The following ADGRB3 variants were observed in gnomAD, a reference collection of about 807,000 sequenced individuals.
ADGRB3 encodes the protein adhesion G protein-coupled receptor B3.
In ADGRB3, 37 loss-of-function variants were observed where a neutral mutation model predicts 193.4. The ratio of observed to expected loss-of-function variants is 0.19; its 90% confidence interval spans 0.15 to 0.25. ADGRB3 has a LOEUF of 0.25. Ranked by LOEUF, ADGRB3 falls within the 10% of genes least tolerant of loss-of-function variation. ADGRB3 has a pLI of 1.00. For missense variants in ADGRB3, 1,637 were observed against 1,852.9 expected (o/e 0.88, Z 2.14); for synonymous variants, 690 against 644.2 (o/e 1.07, Z -1.08).
chr6:69,193,725 T>TA (rs892659950), intron 17 of ADGRB3, among the ~76,000 whole-genome samples: 7 of 151,948 alleles, frequency 4.6e-5, no homozygotes, highest in Non-Finnish European at 1.0e-4. Flanking sequence ...TTTTTTTTTT[T>TA]ACCTAGAATG....
Position 68,729,766 on chromosome 6 carries a change from T to A in ADGRB3, c.757+90334T>A, listed in dbSNP as rs77718645. Among the ~76,000 whole-genome samples the A allele has an allele frequency of 1.5e-3, 224 of 151,712 alleles. 4 individuals are homozygous for A. In the East Asian group the frequency reaches 0.04, roughly 27 times the overall value. On this transcript the variant is annotated intron_variant, in intron 3 of 31. Coordinates refer to ENST00000370598, the MANE Select transcript of ADGRB3 (RefSeq NM_001704.3). ...CAGTGCTGTGCTGAGGGAAGCATAG[T>A]CAGATAATGGCTTTCTCTATGCTTT...
rs565487569 is a variant in ADGRB3, at chr6:69,126,237, A to G, written c.2480+50199A>G. Among the ~76,000 whole-genome samples the G allele has an allele frequency of 3.7e-4, 54 of 145,016 alleles. No homozygotes were observed. In the South Asian group the frequency reaches 0.011, roughly 29 times the overall value. ...TAGATAGATAAATAGATACACACAT[A>G]CATACATACATACATACATACATAC... On this transcript the variant is annotated intron_variant, in intron 17 of 31. Coordinates refer to ENST00000370598, the MANE Select transcript of ADGRB3 (RefSeq NM_001704.3).
At chr6:68,921,978 A>C (rs1358272632) in intron 3 of ADGRB3, among the ~76,000 whole-genome samples, 1 of 152,284 alleles carries the variant, frequency 6.6e-6, no homozygotes, top group Admixed American at 6.5e-5. Flanking sequence ...TGAGATACGC[A>C]CTTGGTTTTA....
intron 13 of ADGRB3, among the ~76,000 whole-genome samples, chr6:69,046,192 A>G (rs1446292153): frequency 1.3e-5 from 2 of 152,176 alleles, no homozygotes; most frequent in Non-Finnish European, 2.9e-5. Context: ...TGTATCTTTT[A>G]TTCTCTTTTA....
chr6:69,032,882 A>G (rs1326252799), intron 13 of ADGRB3, among the ~76,000 whole-genome samples: 2 of 152,092 alleles, frequency 1.3e-5, no homozygotes, highest in Non-Finnish European at 2.9e-5. Flanking sequence ...TCTCTCCTGT[A>G]TAGTTGTCAA....
chr6:69,341,699 C>A (rs570742635), intron 26 of ADGRB3, among the ~76,000 whole-genome samples: 10 of 152,182 alleles, frequency 6.6e-5, no homozygotes, highest in African/African-American at 2.4e-4. Flanking sequence ...TGTTCTCCAA[C>A]TATAACTATC....
At chr6:69,377,152 G>A (rs772698631) in intron 30 of ADGRB3, among the ~76,000 whole-genome samples, 1 of 152,020 alleles carries the variant, frequency 6.6e-6, no homozygotes, top group Non-Finnish European at 1.5e-5. Flanking sequence ...CTTAATATGA[G>A]TTTTGACATT....
intron 10 of ADGRB3, among the ~76,000 whole-genome samples, chr6:68,985,771 T>C (rs1363315299): frequency 6.6e-6 from 1 of 152,148 alleles, no homozygotes; most frequent in African/African-American, 2.4e-5. Flanking sequence ...GCATAATCTA[T>C]CCTATTCTGA....
chr6:68,706,223 A>G lies in ADGRB3; in HGVS notation c.757+66791A>G, dbSNP rs567161767. On this transcript the variant is annotated intron_variant, in intron 3 of 31. Coordinates refer to ENST00000370598, the MANE Select transcript of ADGRB3 (RefSeq NM_001704.3). Reference sequence around the variant, plus strand: ...CACCCCCAAAGGAGCAAAGAGAAGAAGGAACATTATAGGGTCTGGGACTTA... The same window carrying G: ...CACCCCCAAAGGAGCAAAGAGAAGAGGGAACATTATAGGGTCTGGGACTTA... Among the ~76,000 whole-genome samples the G allele has an allele frequency of 5.9e-5, 9 of 152,290 alleles. No individual in the cohort carries two copies. The South Asian group carries it at 1.9e-3, about 32-fold the overall frequency.
intron 17 of ADGRB3, among the ~76,000 whole-genome samples, chr6:69,224,296 G>C (rs528802674): frequency 1.3e-5 from 2 of 152,120 alleles, no homozygotes; most frequent in African/African-American, 4.8e-5. Flanking sequence ...TCTCTGGAGT[G>C]GCTTTTTGTC....
intron 12 of ADGRB3, among the ~76,000 whole-genome samples, chr6:69,015,925 G>A (rs556830147): frequency 5.3e-5 from 8 of 151,182 alleles, no homozygotes; most frequent in African/African-American, 1.7e-4. Flanking sequence ...GTTTAGTCAA[G>A]ACAAGTCATT....
At chr6:69,372,274 C>T (rs1331480402) in intron 29 of ADGRB3, 132 bp from the exon 30 acceptor site, 2 of 424,554 alleles carry the variant, frequency 4.7e-6, no homozygotes, top group East Asian at 8.5e-5. Context: ...TTACATTTTT[C>T]CTTATGTGAA....
At chr6:68,840,412 A>G in intron 3 of ADGRB3, among the ~76,000 whole-genome samples, 2 of 46,146 alleles carry the variant, frequency 4.3e-5, no homozygotes, top group Non-Finnish European at 7.8e-5. Context: ...TTTTTTTGAG[A>G]CAAGGTCTTT....
chr6:69,034,357 T>C (rs1562130464), intron 13 of ADGRB3, among the ~76,000 whole-genome samples: 1 of 151,698 alleles, frequency 6.6e-6, no homozygotes, highest in Non-Finnish European at 1.5e-5. Context: ...TCTGAAAATC[T>C]AAAATATCTT....
At chr6:68,789,765 T>A (rs536924599) in intron 3 of ADGRB3, among the ~76,000 whole-genome samples, 5 of 152,334 alleles carry the variant, frequency 3.3e-5, no homozygotes, top group African/African-American at 9.6e-5. Context: ...CTTGGTTCCA[T>A]TCTCCCCATC....
At chr6:68,733,488 G>A (rs1765813216) in intron 3 of ADGRB3, among the ~76,000 whole-genome samples, 1 of 151,702 alleles carries the variant, frequency 6.6e-6, no homozygotes, top group African/African-American at 2.4e-5. Context: ...CTTCAAAAAG[G>A]GGGAAGAAGG....
At chr6:68,678,244 C>G (rs933236074) in intron 3 of ADGRB3, among the ~76,000 whole-genome samples, 1 of 152,108 alleles carries the variant, frequency 6.6e-6, no homozygotes, top group Non-Finnish European at 1.5e-5. Flanking sequence ...ACTAGGCCAG[C>G]GTTTCCATAA....
chr6:69,322,396 AT>A (rs1768477775), intron 20 of ADGRB3, among the ~76,000 whole-genome samples: 1 of 151,904 alleles, frequency 6.6e-6, no homozygotes. Context: ...GTCAAGTGAT[AT>A]TTCTGTCTTT....
chr6:68,778,077 A>G (rs1363964992), intron 3 of ADGRB3, among the ~76,000 whole-genome samples: 4 of 152,144 alleles, frequency 2.6e-5, no homozygotes, highest in Admixed American at 6.6e-5. Flanking sequence ...CCTTTTAGCC[A>G]GTCACAGACA....
Sources: allele counts gnomAD v4.1 joint callset (sites outside exome capture counted in the v4.1 genomes callset), GRCh38; gene constraint gnomAD v4.1.1; transcripts MANE v1.5; gene names NCBI Gene and HGNC (gene_info 2026-07-23, HGNC 2026-07-21).